Variants in PPP1R12B observed in about 807,000 individuals in gnomAD.
PPP1R12B encodes the protein protein phosphatase 1 regulatory subunit 12B.
In PPP1R12B, 76 loss-of-function variants were observed where a neutral mutation model predicts 126.1. That is an observed-to-expected ratio of 0.60 (90% confidence interval 0.50 to 0.73). PPP1R12B has a LOEUF of 0.73. Among genes scored for constraint, PPP1R12B ranks in the 30% least tolerant of loss-of-function variants. The pLI is 0.00. For synonymous variants in PPP1R12B, 356 were observed against 434.7 expected (o/e 0.82, Z 2.25); for missense variants, 1,052 against 1,205.1 (o/e 0.87, Z 1.88).
chr1:202,587,246 ATTC>A lies in PPP1R12B; in HGVS notation c.*6689_*6691del, dbSNP rs1282229368. The A allele has an allele frequency of 1.3e-5, 2 of 152,114 alleles. No homozygotes were observed. The highest frequency in any genetic ancestry group is 6.5e-5 in the Admixed American group (1 of 15,274). The allele number at this position is 152,114 out of a possible 1,614,324, so 9.4% of individuals were successfully genotyped here. On this transcript the variant is annotated 3_prime_UTR_variant, in exon 24 of 24. Transcript: ENST00000608999. ...TCCTCTCCCTTTCATCTCCCTCTGCATTCTTAATTCCTTGCTTTTCTCACTTGG... is the reference window on the plus strand; with the variant it reads ...TCCTCTCCCTTTCATCTCCCTCTGCATTAATTCCTTGCTTTTCTCACTTGG...
At chr1:202,575,279 G>T (rs1354143501) in intron 23 of PPP1R12B, 2 of 1,238,944 alleles carry the variant, frequency 1.6e-6, no homozygotes, top group Non-Finnish European at 2.2e-6. Flanking sequence ...GTTATCTGCA[G>T]ATGGAAGCAG....
chr1:202,528,101 G>A (rs1683542460), intron 18 of PPP1R12B, among the ~76,000 whole-genome samples: 1 of 152,114 alleles, frequency 6.6e-6, no homozygotes, highest in Admixed American at 6.6e-5. Context: ...ATGACCAACA[G>A]CATGTATCCG....
At chr1:202,404,207 A>G (rs372022510) in intron 1 of PPP1R12B, among the ~76,000 whole-genome samples, 4 of 152,170 alleles carry the variant, frequency 2.6e-5, no homozygotes, top group Admixed American at 6.5e-5. Context: ...ATGGCTGTCA[A>G]CGTATCCTAC....
chr1:202,570,828 A>G (rs1468863409), intron 23 of PPP1R12B, among the ~76,000 whole-genome samples: 1 of 152,148 alleles, frequency 6.6e-6, no homozygotes, highest in Non-Finnish European at 1.5e-5. Context: ...CAGCTGAGCT[A>G]ACTGTTTCTT....
chr1:202,437,673 C>T, intron 9 of PPP1R12B, 148 bp from the exon 10 acceptor site: 2 of 708,984 alleles, frequency 2.8e-6, no homozygotes, highest in Non-Finnish European at 4.6e-6. Context: ...AGGGAGGGAA[C>T]ATGGGCAGAA....
At chr1:202,538,812 G>A (rs566233714) in intron 18 of PPP1R12B, among the ~76,000 whole-genome samples, 20 of 152,194 alleles carry the variant, frequency 1.3e-4, no homozygotes, top group Non-Finnish European at 1.8e-4. Context: ...TTTTAATTTC[G>A]TTTTCCCTGT....
intron 1 of PPP1R12B, among the ~76,000 whole-genome samples, chr1:202,394,795 GA>G (rs1329225865): frequency 6.6e-6 from 1 of 151,104 alleles, no homozygotes; most frequent in African/African-American, 2.4e-5. Flanking sequence ...AGAGAAAGGA[GA>G]AAAAAGAAAT....
chr1:202,443,628 G>A (rs1463396996), intron 12 of PPP1R12B, among the ~76,000 whole-genome samples: 4 of 152,040 alleles, frequency 2.6e-5, no homozygotes, highest in Admixed American at 6.5e-5. Flanking sequence ...CACAAAAGAG[G>A]TGTTTCTTGC....
chr1:202,384,606 G>A (rs1662837972), intron 1 of PPP1R12B, among the ~76,000 whole-genome samples: 1 of 152,184 alleles, frequency 6.6e-6, no homozygotes, highest in South Asian at 2.1e-4. Context: ...TTGGAGAGAT[G>A]AAAATGTCCT....
intron 13 of PPP1R12B, among the ~76,000 whole-genome samples, chr1:202,454,395 A>G (rs1279360498): frequency 6.6e-6 from 1 of 152,228 alleles, no homozygotes; most frequent in East Asian, 1.9e-4. Flanking sequence ...GGTTGGACTC[A>G]TTCACTGGAT....
At chr1:202,421,102 C>G (rs778517857) in intron 2 of PPP1R12B, among the ~76,000 whole-genome samples, 3 of 151,088 alleles carry the variant, frequency 2.0e-5, no homozygotes, top group Non-Finnish European at 4.4e-5. Context: ...ACTACAGGTG[C>G]CTGCCACCAT....
At chr1:202,554,470 C>G (rs575024197) in intron 18 of PPP1R12B, among the ~76,000 whole-genome samples, 2 of 152,230 alleles carry the variant, frequency 1.3e-5, no homozygotes, top group East Asian at 3.9e-4. Context: ...TTTATCTACT[C>G]TCCTCTAATT....
At chr1:202,574,875 C>G in intron 23 of PPP1R12B, 1 of 942,954 alleles carries the variant, frequency 1.1e-6, no homozygotes, top group South Asian at 2.0e-5. Context: ...CATTTCCTTT[C>G]TTGCATGCAA....
chr1:202,381,976 A>T (rs1173206810), intron 1 of PPP1R12B, among the ~76,000 whole-genome samples: 1 of 152,208 alleles, frequency 6.6e-6, no homozygotes, highest in Non-Finnish European at 1.5e-5. Context: ...ATGCACGCGT[A>T]TGTTTATTGC....
At chr1:202,481,574 C>T (rs1315330197) in intron 13 of PPP1R12B, among the ~76,000 whole-genome samples, 2 of 151,572 alleles carry the variant, frequency 1.3e-5, no homozygotes, top group African/African-American at 4.9e-5. Flanking sequence ...TGTATTAGGG[C>T]TATTATTTTC....
chr1:202,386,678 G>C (rs1170817475), intron 1 of PPP1R12B, among the ~76,000 whole-genome samples: 1 of 152,042 alleles, frequency 6.6e-6, no homozygotes, highest in Non-Finnish European at 1.5e-5. Flanking sequence ...CAAATTTAAG[G>C]CACTAAATAA....
intron 10 of PPP1R12B, chr1:202,439,410 A>T (rs2148687256): frequency 8.1e-7 from 1 of 1,238,952 alleles, no homozygotes; most frequent in East Asian, 2.4e-5. Flanking sequence ...GAGCACGGAG[A>T]CCGCCCTGTA....
intron 18 of PPP1R12B, among the ~76,000 whole-genome samples, chr1:202,500,240 T>TCTCTCTCTCA (rs1553306847): frequency 1.3e-5 from 2 of 151,926 alleles, no homozygotes; most frequent in Non-Finnish European, 2.9e-5. Flanking sequence ...TCTCTCTCTC[T>TCTCTCTCTCA]CTCTCACTCT....
chr1:202,409,402 A>G (rs1571877400), intron 1 of PPP1R12B, among the ~76,000 whole-genome samples: 1 of 150,478 alleles, frequency 6.6e-6, no homozygotes, highest in African/African-American at 2.4e-5. Flanking sequence ...GCTCACTGCA[A>G]CCTCCACCTC....
Sources: gnomAD v4.1 joint callset for allele counts (sites outside exome capture counted in the v4.1 genomes callset) on GRCh38, gnomAD v4.1.1 for gene constraint, MANE v1.5 for transcripts, NCBI Gene and HGNC (gene_info 2026-07-23, HGNC 2026-07-21) for gene names.